TAMALIN: variants seen among roughly 807,000 people sequenced by gnomAD.
TAMALIN encodes the protein protein TAMALIN.
In TAMALIN, 9 loss-of-function variants were observed where a neutral mutation model predicts 38.5. That is an observed-to-expected ratio of 0.23 (90% confidence interval 0.14 to 0.41). TAMALIN has a LOEUF of 0.41. Among genes scored for constraint, TAMALIN ranks in the 10% least tolerant of loss-of-function variants. The probability of loss-of-function intolerance (pLI) is 1.00; values close to 1 mark genes in which losing one functional copy is unlikely to be tolerated. For missense variants in TAMALIN, 548 were observed against 554.1 expected, an observed-to-expected ratio of 0.99 and a Z score of 0.11; for synonymous variants, 306 against 256.5, an observed-to-expected ratio of 1.19 and a Z score of -1.85.
chr12:52,008,571 G>A, intron 1 of TAMALIN: 1 of 985,386 alleles, frequency 1.0e-6, no homozygotes, highest in Non-Finnish European at 1.2e-6. Flanking sequence ...CCTGCAGCTG[G>A]GATCCACAAC....
rs546993160 is a variant in TAMALIN, at chr12:52,007,678, G to C, written c.246+413G>C. ...CCGAGAGCCCCCGGTGGGAGAAGCG[G>C]GCCGGTGGCTGCGCCGCGTGCGTTC... On this transcript the variant is annotated intron_variant, in intron 1 of 7. Coordinates refer to ENST00000293662, the MANE Select transcript of TAMALIN (RefSeq NM_181711.4). The surrounding 1 kb of genome is among the most constrained non-coding windows in gnomAD (Gnocchi z 6.7). The C allele has an allele frequency of 7.5e-5, 74 of 985,296 alleles. No homozygotes were observed. The highest frequency in any genetic ancestry group is 4.7e-5 in the Non-Finnish European group (39 of 829,920). The allele number at this position is 985,296 out of a possible 1,614,324, so 61.0% of individuals were successfully genotyped here. A position where few individuals can be genotyped will look rare whatever the true frequency, so the allele number is the denominator to read the frequency against.
chr12:52,012,759 A>T (rs1937680745), intron 4 of TAMALIN, among the ~76,000 whole-genome samples: 1 of 152,148 alleles, frequency 6.6e-6, no homozygotes, highest in Admixed American at 6.5e-5. Context: ...CTTTTTACAG[A>T]TAGGAATGGG....
intron 4 of TAMALIN, among the ~76,000 whole-genome samples, chr12:52,012,531 G>C (rs1369708099): frequency 6.6e-6 from 1 of 152,208 alleles, no homozygotes; most frequent in African/African-American, 2.4e-5. Flanking sequence ...TGGGATTACA[G>C]GTGTGAGCCA....
chr12:52,013,481 C>T, intron 4 of TAMALIN: 1 of 579,352 alleles, frequency 1.7e-6, no homozygotes, highest in Non-Finnish European at 3.1e-6. Flanking sequence ...TACAGGCCCA[C>T]AAGAATGGCT....
At position 52,006,999 on chromosome 12, in the gene TAMALIN, G is replaced by A. The variant is rs1474685457; in HGVS notation, c.-21G>A. 1.5e-6 allele frequency: 2 copies of A among 1,366,510 alleles called. No individual in the cohort carries two copies. The highest frequency in any genetic ancestry group is 3.1e-5 in the African/African-American group (2 of 65,304). The allele number at this position is 1,366,510 out of a possible 1,614,324, so 84.6% of individuals were successfully genotyped here. A position where few individuals can be genotyped will look rare whatever the true frequency, so the allele number is the denominator to read the frequency against. On this transcript the variant is annotated 5_prime_UTR_variant, in exon 1 of 8. Transcript: ENST00000293662. Reference sequence around the variant, plus strand: ...CGAGGGGAGCCAGCGCCGTCTCTGAGGGGCGTCCGGCGCCGGAGCCATGAC... The same window carrying A: ...CGAGGGGAGCCAGCGCCGTCTCTGAAGGGCGTCCGGCGCCGGAGCCATGAC...
chr12:52,007,906 G>A lies in TAMALIN; in HGVS notation c.246+641G>A. On this transcript the variant is annotated intron_variant, in intron 1 of 7. Coordinates refer to ENST00000293662, the MANE Select transcript of TAMALIN (RefSeq NM_181711.4). This position sits in a 1 kb window ranked among gnomAD's most constrained non-coding sequence, Gnocchi z 6.7. ...GCGCCCGCGGGGCAGGAAGGATGCG[G>A]GCCGCGCCCACCTCTGAGTCCCCTC... is the stretch of plus-strand genomic sequence containing the variant. The A allele has an allele frequency of 6.1e-6, 6 of 985,334 alleles. No homozygotes were observed. Among genetic ancestry groups the A allele is most frequent in the Non-Finnish European group, 7.2e-6 (6 of 829,894 alleles). The allele number at this position is 985,334 out of a possible 1,614,324, so 61.0% of individuals were successfully genotyped here.
At chr12:52,014,353 G>A (rs35583030) in intron 7 of TAMALIN, 152 bp downstream of exon 7, 72,954 of 698,786 alleles carry the variant, frequency 0.1, 4,821 homozygotes, top group South Asian at 0.19. Flanking sequence ...ACTACTTTGG[G>A]TACTGCCGCA....
rs1270648652 is a variant in TAMALIN at position 52,015,435 on chromosome 12, C to T, written c.*236C>T. 6 of 495,694 alleles carry T rather than the reference C, an allele frequency of 1.2e-5. No homozygotes were observed. The highest frequency in any genetic ancestry group is 2.1e-5 in the Non-Finnish European group (6 of 281,590). 30.7% of individuals were successfully genotyped at this position (495,694 alleles called of 1,614,324 possible). ...GAGCTGGGGCAGGGGGAGAGCCAGG[C>T]AATCGGGGGCCAAAGATGGGGGTGC... On this transcript the variant is annotated 3_prime_UTR_variant, in exon 8 of 8. Transcript: ENST00000293662.
intron 4 of TAMALIN, among the ~76,000 whole-genome samples, chr12:52,013,142 A>T (rs1189699084): frequency 7.2e-6 from 1 of 139,774 alleles, no homozygotes; most frequent in African/African-American, 2.7e-5. Context: ...CAGTGGCGCG[A>T]TCTCGGCTCA....
intron 2 of TAMALIN, among the ~76,000 whole-genome samples, chr12:52,010,013 C>T (rs976503654): frequency 2.0e-5 from 3 of 152,176 alleles, no homozygotes; most frequent in African/African-American, 4.8e-5. Context: ...TTCCAAAAAA[C>T]CCTAGAACAT....
Position 52,011,010 on chromosome 12 carries a change from T to TG in TAMALIN, c.352-26dup, listed in dbSNP as rs1247495038. On this transcript the variant is annotated intron_variant, in intron 3 of 7. Coordinates refer to ENST00000293662, the MANE Select transcript of TAMALIN (RefSeq NM_181711.4). The surrounding 1 kb of genome is among the most constrained non-coding windows in gnomAD (Gnocchi z 5.3). ...GGGATGAACGGACTTGTCCCAACCC[T>TG]GGGCTGAGGGTCCCCTTGTCCATTA... The TG allele has an allele frequency of 6.2e-7, 1 of 1,613,966 alleles. No individual in the cohort carries two copies. Among genetic ancestry groups the TG allele is most frequent in the East Asian group, 2.2e-5 (1 of 44,876 alleles).
At chr12:52,010,741 C>T in intron 2 of TAMALIN, 140 bp from the exon 3 acceptor site, 1 of 1,031,808 alleles carries the variant, frequency 9.7e-7, no homozygotes, top group Middle Eastern at 3.1e-4. Context: ...TTCCAATAAT[C>T]TGTGATGAGA....
intron 7 of TAMALIN, 197 bp from the exon 8 acceptor site, chr12:52,014,495 AGC>A (rs1937738129): frequency 6.6e-6 from 4 of 603,676 alleles, no homozygotes; most frequent in Non-Finnish European, 5.9e-6. Context: ...GTTTGTGCTA[AGC>A]GGCCCCCATA....
chr12:52,011,287 G>A lies in TAMALIN; in HGVS notation c.454+146G>A. On this transcript the variant is annotated intron_variant, in intron 4 of 7. Coordinates refer to ENST00000293662, the MANE Select transcript of TAMALIN (RefSeq NM_181711.4). The surrounding 1 kb of genome is among the most constrained non-coding windows in gnomAD (Gnocchi z 5.3). Reference sequence around the variant, plus strand: ...CAGAAAGAAGAATGGATAGAATCTGGGCTTTGGATCTAGGCAAATTTGCCA... The same window carrying A: ...CAGAAAGAAGAATGGATAGAATCTGAGCTTTGGATCTAGGCAAATTTGCCA... The A allele has an allele frequency of 2.7e-6, 4 of 1,470,550 alleles. No individual in the cohort carries two copies. The highest frequency in any genetic ancestry group is 3.7e-6 in the Non-Finnish European group (4 of 1,087,236). The allele number at this position is 1,470,550 out of a possible 1,614,324, so 91.1% of individuals were successfully genotyped here. A position where few individuals can be genotyped will look rare whatever the true frequency, so the allele number is the denominator to read the frequency against.
At chr12:52,014,670 C>G in intron 7 of TAMALIN, 24 bp from the exon 8 acceptor site, 1 of 1,459,338 alleles carries the variant, frequency 6.9e-7, no homozygotes, top group Non-Finnish European at 9.0e-7. Context: ...TGACCCGCCC[C>G]CTACCTCTCC....
At chr12:52,013,650 C>A in intron 4 of TAMALIN, 37 bp from the exon 5 acceptor site, 2 of 1,587,308 alleles carry the variant, frequency 1.3e-6, no homozygotes, top group South Asian at 2.2e-5. Context: ...CTAGCATGCC[C>A]CATGGAGCAA....
At chr12:52,014,434 AGAGGG>A (rs1937736383) in intron 7 of TAMALIN, 3 of 606,588 alleles carry the variant, frequency 4.9e-6, no homozygotes, top group Non-Finnish European at 5.9e-6. Flanking sequence ...TTCACTTTAC[AGAGGG>A]GAACACCAGG....
Position 52,011,464 on chromosome 12 carries a change from C to G in TAMALIN, c.454+323C>G, listed in dbSNP as rs964816436. The G allele has an allele frequency of 7.0e-6, 4 of 573,634 alleles. No individual in the cohort carries two copies. The highest frequency in any genetic ancestry group is 1.9e-5 in the African/African-American group (1 of 53,374). 35.5% of individuals were successfully genotyped at this position (573,634 alleles called of 1,614,324 possible). A position where few individuals can be genotyped will look rare whatever the true frequency, so the allele number is the denominator to read the frequency against. On this transcript the variant is annotated intron_variant, in intron 4 of 7. Coordinates refer to ENST00000293662, the MANE Select transcript of TAMALIN (RefSeq NM_181711.4). The surrounding 1 kb of genome is among the most constrained non-coding windows in gnomAD (Gnocchi z 5.3). The stretch of plus-strand genomic sequence containing the variant: ...TGCTGCTCTGATTCCTCCCAGCAAC[C>G]CTGGCAGTCAGCATGGGCAGGAGCC...
chr12:52,008,696 G>C, intron 1 of TAMALIN: 3 of 985,398 alleles, frequency 3.0e-6, no homozygotes, highest in Non-Finnish European at 3.6e-6. Flanking sequence ...CCAAGCCACT[G>C]TCTGTAGCTG....
Sources: allele counts gnomAD v4.1 joint callset (sites outside exome capture counted in the v4.1 genomes callset), GRCh38; gene constraint gnomAD v4.1.1; non-coding constraint Gnocchi (gnomAD v3.1); transcripts MANE v1.5; gene names NCBI Gene and HGNC (gene_info 2026-07-23, HGNC 2026-07-21).